Variants in INPP5A observed in about 807,000 individuals in gnomAD.
INPP5A encodes the protein 43 kDa inositol polyphosphate 5-phophatase.
A neutral mutation model predicts 65.2 loss-of-function variants in INPP5A; 14 were observed. That is an observed-to-expected ratio of 0.21 (90% confidence interval 0.14 to 0.34). INPP5A has a LOEUF of 0.34. Ranked by LOEUF, INPP5A falls within the 10% of genes least tolerant of loss-of-function variation. The pLI, the probability that INPP5A is intolerant of heterozygous loss-of-function variation, is 1.00. For missense variants in INPP5A, 431 were observed against 545.6 expected (o/e 0.79, Z 2.09); for synonymous variants, 207 against 208.3 (o/e 0.99, Z 0.05).
chr10:132,666,236 T>C (rs2072800586), intron 4 of INPP5A, among the ~76,000 whole-genome samples: 1 of 152,150 alleles, frequency 6.6e-6, no homozygotes, highest in Non-Finnish European at 1.5e-5. Context: ...TAATTCATAG[T>C]CAGGGATATT....
intron 1 of INPP5A, among the ~76,000 whole-genome samples, chr10:132,570,223 A>T (rs552576712): frequency 6.6e-6 from 1 of 152,346 alleles, no homozygotes; most frequent in East Asian, 1.9e-4. Context: ...CTGGGATTAC[A>T]GGTGTGAGCC....
rs191739440 is a variant in INPP5A at position 132,545,072 on chromosome 10, C to A, written c.75+6901C>A. Among the ~76,000 whole-genome samples, 1 of 152,062 alleles carries A rather than the reference C, an allele frequency of 6.6e-6. No homozygotes were observed. The highest frequency in any genetic ancestry group is 2.1e-4 in the South Asian group (1 of 4,818). ...TCCGTCCCTGTTGCCTGCGCTGCTC[C>A]GAGAAGCCCCACTCTGACCAGCACC... On this transcript the variant is annotated intron_variant, in intron 1 of 15. Coordinates refer to ENST00000368594, the MANE Select transcript of INPP5A (RefSeq NM_005539.5). This position sits in a 1 kb window ranked among gnomAD's most constrained non-coding sequence, Gnocchi z 4.6.
intron 5 of INPP5A, among the ~76,000 whole-genome samples, chr10:132,696,427 C>T (rs1432074526): frequency 6.6e-6 from 1 of 152,190 alleles, no homozygotes; most frequent in Non-Finnish European, 1.5e-5. Context: ...TGCTGTTCTG[C>T]CTTGTGGGTG....
chr10:132,560,428 C>T (rs551611582), intron 1 of INPP5A, among the ~76,000 whole-genome samples: 138 of 152,286 alleles, frequency 9.1e-4, no homozygotes, highest in Non-Finnish European at 1.4e-3. Flanking sequence ...GAACAGTACT[C>T]GTGATTGTCC....
At chr10:132,748,591 A>G (rs1293587358) in intron 9 of INPP5A, among the ~76,000 whole-genome samples, 2 of 152,184 alleles carry the variant, frequency 1.3e-5, no homozygotes, top group Non-Finnish European at 2.9e-5. Context: ...CATTCCCTGC[A>G]TTGTACTGAG....
At chr10:132,742,621 C>G (rs2134621452) in intron 9 of INPP5A, among the ~76,000 whole-genome samples, 1 of 152,328 alleles carries the variant, frequency 6.6e-6, no homozygotes, top group Non-Finnish European at 1.5e-5. Context: ...TCAGGGAAGT[C>G]TTGGAGACGG....
chr10:132,653,510 C>G (rs890889716), intron 4 of INPP5A, among the ~76,000 whole-genome samples: 1 of 152,182 alleles, frequency 6.6e-6, no homozygotes, highest in African/African-American at 2.4e-5. Context: ...CAGGGTTCCT[C>G]CCTGGCCCTG....
At chr10:132,677,066 A>T (rs2072976348) in intron 4 of INPP5A, among the ~76,000 whole-genome samples, 2 of 151,524 alleles carry the variant, frequency 1.3e-5, no homozygotes, top group Admixed American at 1.3e-4. Flanking sequence ...ACCTGTCCTG[A>T]ACTGTAGACC....
At position 132,705,081 on chromosome 10, in the gene INPP5A, T is replaced by C. The variant is rs970581220; in HGVS notation, c.475-3232T>C. ...GAGTGGAGGGGAGAGAGTCCAAGCA[T>C]TGGGGGTGTCCCAGCTGCACCGTTG... is the stretch of plus-strand genomic sequence containing the variant. On this transcript the variant is annotated intron_variant, in intron 6 of 15. Coordinates refer to ENST00000368594, the MANE Select transcript of INPP5A (RefSeq NM_005539.5). This position sits in a 1 kb window ranked among gnomAD's most constrained non-coding sequence, Gnocchi z 4.9. Among the ~76,000 whole-genome samples, 9 of 152,186 alleles carry C rather than the reference T, an allele frequency of 5.9e-5. No homozygotes were observed. The South Asian group carries it at 6.2e-4, about 11-fold the overall frequency.
rs1031213275 is a variant in INPP5A at position 132,662,416 on chromosome 10, A to G, written c.306+11911A>G. 4.6e-5 allele frequency among the ~76,000 whole-genome samples: 7 copies of G among 152,346 alleles called. No individual in the cohort carries two copies. In the East Asian group the frequency reaches 1.4e-3, roughly 29 times the overall value. On this transcript the variant is annotated intron_variant, in intron 4 of 15. Transcript: ENST00000368594. Reference sequence around the variant, plus strand: ...ATAGCCACAGCAGGTGAGTGGGAACAGGAGGGGACAGTCTGTGTACACCGT... The same window carrying G: ...ATAGCCACAGCAGGTGAGTGGGAACGGGAGGGGACAGTCTGTGTACACCGT...
At chr10:132,778,691 C>T (rs967485989) in intron 13 of INPP5A, among the ~76,000 whole-genome samples, 4 of 152,202 alleles carry the variant, frequency 2.6e-5, no homozygotes, top group African/African-American at 9.7e-5. Flanking sequence ...GGTGGTTCCA[C>T]TGCCAGCCTG....
rs373940437 is a variant in INPP5A, at chr10:132,691,810, G to C, written c.370+1355G>C. On this transcript the variant is annotated intron_variant, in intron 5 of 15. Coordinates refer to ENST00000368594, the MANE Select transcript of INPP5A (RefSeq NM_005539.5). ...CGGGAGACGTGTGGACATGGGAGAC[G>C]TGCGGTCGCGGGAGACGTGTGGTCG... is the stretch of plus-strand genomic sequence containing the variant. Among the ~76,000 whole-genome samples the C allele has an allele frequency of 9.9e-5, 15 of 151,880 alleles. No individual in the cohort carries two copies. The South Asian group carries it at 3.1e-3, about 32-fold the overall frequency.
intron 12 of INPP5A, among the ~76,000 whole-genome samples, chr10:132,771,641 GCCCCGGCAGCCGCC>G (rs1846950167): frequency 1.3e-5 from 2 of 150,204 alleles, no homozygotes; most frequent in African/African-American, 4.9e-5. Flanking sequence ...TGACACGGAG[GCCCCGGCAGCCGCC>G]CCGCGAAGAG....
intron 1 of INPP5A, among the ~76,000 whole-genome samples, chr10:132,568,749 C>T (rs981038210): frequency 1.3e-5 from 2 of 151,472 alleles, no homozygotes; most frequent in Non-Finnish European, 1.5e-5. Context: ...AAGAGTGAAA[C>T]TCTGTCTCAA....
chr10:132,710,648 C>T (rs561628725), intron 8 of INPP5A, among the ~76,000 whole-genome samples, 192 bp downstream of exon 8: 104 of 146,496 alleles, frequency 7.1e-4, no homozygotes, highest in African/African-American at 2.5e-3. Flanking sequence ...GTGTGCTGGG[C>T]AGGTAGGTGT....
In INPP5A at chr10:132,780,830, G is replaced by A. The variant is rs1162642386; in HGVS notation, c.1090-19G>A. 6.2e-7 allele frequency: 1 copy of A among 1,611,804 alleles called. No individual in the cohort carries two copies. Among genetic ancestry groups the A allele is most frequent in the African/African-American group, 1.3e-5 (1 of 74,922 alleles). ...GTGCCCCACCTCCCCACACTCACCT[G>A]TCTGTTTCCCCTTTCCAGTCGGAGA... On this transcript the variant is annotated intron_variant, in intron 13 of 15. Transcript: ENST00000368594.
At chr10:132,664,330 C>G (rs911290298) in intron 4 of INPP5A, among the ~76,000 whole-genome samples, 2 of 152,216 alleles carry the variant, frequency 1.3e-5, no homozygotes, top group African/African-American at 4.8e-5. Context: ...TTCTCCAAAG[C>G]CCGTCCAGGT....
intron 5 of INPP5A, among the ~76,000 whole-genome samples, chr10:132,694,916 C>T (rs1845321583): frequency 1.3e-5 from 2 of 152,128 alleles, no homozygotes; most frequent in Admixed American, 6.5e-5. Flanking sequence ...AAAAAGAAAG[C>T]ATCAGACCAA....
chr10:132,614,880 G>A (rs928055228), intron 2 of INPP5A, among the ~76,000 whole-genome samples: 3 of 152,288 alleles, frequency 2.0e-5, no homozygotes, highest in Admixed American at 2.0e-4. Context: ...TCTGTGAAGA[G>A]TGGACCCTCC....
Sources: allele counts gnomAD v4.1 joint callset (sites outside exome capture counted in the v4.1 genomes callset), GRCh38; gene constraint gnomAD v4.1.1; non-coding constraint Gnocchi (gnomAD v3.1); transcripts MANE v1.5; gene names NCBI Gene and HGNC (gene_info 2026-07-23, HGNC 2026-07-21).